Variants in TTLL11 observed in about 807,000 individuals in gnomAD.
TTLL11 encodes tubulin tyrosine ligase like 11.
Under a neutral mutation model 51.7 loss-of-function variants are expected in TTLL11, and 42 were observed. The observed-to-expected ratio is 0.81, with a 90% CI of 0.64 to 1.05. The LOEUF is 1.05. TTLL11 is among the 50% of genes least tolerant of loss of function. TTLL11 has a pLI of 0.00. For missense variants in TTLL11, 799 were observed against 940.4 expected, an observed-to-expected ratio of 0.85 and a Z score of 1.97; for synonymous variants, 381 against 383.5, an observed-to-expected ratio of 0.99 and a Z score of 0.08.
rs1839199475 is a variant in TTLL11, at chr9:121,890,782, T to G, written c.1482-20034A>C. 6.6e-6 allele frequency among the ~76,000 whole-genome samples: 1 copy of G among 152,036 alleles called. No homozygotes were observed. The highest frequency in any genetic ancestry group is 2.4e-5 in the African/African-American group (1 of 41,272). ...AATAAACACTGGCTAGGTGCATGAATGCATGAATGGGTGCATGAATGCATG... is the reference window on the plus strand; with the variant it reads ...AATAAACACTGGCTAGGTGCATGAAGGCATGAATGGGTGCATGAATGCATG... On this transcript the variant is annotated intron_variant, in intron 6 of 8. Transcript: ENST00000321582. This position sits in a 1 kb window ranked among gnomAD's most constrained non-coding sequence, Gnocchi z 4.3.
intron 4 of TTLL11, among the ~76,000 whole-genome samples, chr9:121,977,029 G>A (rs1397606449): frequency 6.6e-6 from 1 of 152,092 alleles, no homozygotes; most frequent in Non-Finnish European, 1.5e-5. Flanking sequence ...TTACTTTTTG[G>A]TATATTTTGT....
At position 121,905,458 on chromosome 9, in the gene TTLL11, T is replaced by C. The variant is rs868397478; in HGVS notation, c.1482-34710A>G. Reference sequence around the variant, plus strand: ...CCTCCATCTCCAGGGTTCAAGCTATTCTCATGCCTCAGCCTCCTGAGTAGC... The same window carrying C: ...CCTCCATCTCCAGGGTTCAAGCTATCCTCATGCCTCAGCCTCCTGAGTAGC... On this transcript the variant is annotated intron_variant, in intron 6 of 8. Transcript: ENST00000321582. Among the ~76,000 whole-genome samples the C allele has an allele frequency of 7.2e-5, 11 of 152,060 alleles. No individual in the cohort carries two copies. In the South Asian group the frequency reaches 1.2e-3, roughly 17 times the overall value.
At chr9:121,930,130 T>C (rs1840909668) in intron 6 of TTLL11, among the ~76,000 whole-genome samples, 1 of 152,190 alleles carries the variant, frequency 6.6e-6, no homozygotes, top group Non-Finnish European at 1.5e-5. Context: ...ACTTCCACCA[T>C]CTGAGGAAAC....
intron 6 of TTLL11, among the ~76,000 whole-genome samples, chr9:121,872,828 C>T (rs552762233): frequency 3.0e-4 from 45 of 152,292 alleles, no homozygotes; most frequent in African/African-American, 9.9e-4. Flanking sequence ...TGCTCCCTCC[C>T]ACAAAGAGGA....
At chr9:121,841,605 G>C (rs1029530295) in intron 8 of TTLL11, among the ~76,000 whole-genome samples, 1 of 152,112 alleles carries the variant, frequency 6.6e-6, no homozygotes, top group Non-Finnish European at 1.5e-5. Context: ...GGGGCCTCCC[G>C]GGCTGAGGAC....
chr9:121,956,575 G>A (rs548512141), intron 6 of TTLL11, among the ~76,000 whole-genome samples: 18 of 152,330 alleles, frequency 1.2e-4, no homozygotes, highest in African/African-American at 4.1e-4. Flanking sequence ...CACTGTGCAT[G>A]AGGATGGGGC....
chr9:122,027,353 CAA>C (rs1203248293), intron 3 of TTLL11, among the ~76,000 whole-genome samples: 1 of 152,090 alleles, frequency 6.6e-6, no homozygotes, highest in Non-Finnish European at 1.5e-5. Context: ...CAGTACTCTT[CAA>C]AAGAGTCAAG....
In TTLL11 at chr9:121,898,961, T is replaced by C. The variant is rs113506039; in HGVS notation, c.1482-28213A>G. ...TGGGTGCCCTTCTTCTTTGCCTGGCTCCTGATAACTCGGGAAATCTTGGCA... is the reference window on the plus strand; with the variant it reads ...TGGGTGCCCTTCTTCTTTGCCTGGCCCCTGATAACTCGGGAAATCTTGGCA... On this transcript the variant is annotated intron_variant, in intron 6 of 8. Coordinates refer to ENST00000321582, the MANE Select transcript of TTLL11 (RefSeq NM_001139442.2). 3.0e-3 allele frequency among the ~76,000 whole-genome samples: 462 copies of C among 152,296 alleles called. 3 individuals are homozygous for C. The highest frequency in any genetic ancestry group is 0.011 in the African/African-American group (444 of 41,554).
chr9:122,047,408 T>C (rs1196860319), intron 1 of TTLL11, among the ~76,000 whole-genome samples: 5 of 151,988 alleles, frequency 3.3e-5, no homozygotes, highest in African/African-American at 1.2e-4. Flanking sequence ...CAAAGCCTGA[T>C]GGAGGGTCAG....
chr9:121,997,825 G>GC (rs1357798564), intron 3 of TTLL11, among the ~76,000 whole-genome samples: 6 of 152,040 alleles, frequency 3.9e-5, no homozygotes, highest in African/African-American at 1.4e-4. Context: ...TCCAGTGCTC[G>GC]CCCATGGGTG....
chr9:121,925,442 G>A (rs907881973), intron 6 of TTLL11, among the ~76,000 whole-genome samples: 5 of 12,280 alleles, frequency 4.1e-4, no homozygotes, highest in Non-Finnish European at 6.2e-4. Context: ...ACCCCACCCC[G>A]GGACCATCCT....
At chr9:121,938,427 C>CA (rs1841313712) in intron 6 of TTLL11, among the ~76,000 whole-genome samples, 3 of 151,326 alleles carry the variant, frequency 2.0e-5, no homozygotes, top group Admixed American at 2.0e-4. Context: ...TCTTTGCAAA[C>CA]AAAAAATAAG....
intron 6 of TTLL11, among the ~76,000 whole-genome samples, chr9:121,952,695 C>A (rs2131605485): frequency 6.6e-6 from 1 of 152,246 alleles, no homozygotes; most frequent in African/African-American, 2.4e-5. Context: ...GAGACACTGG[C>A]AAACGTGCTC....
chr9:121,826,445 G>C (rs1836775809), intron 8 of TTLL11, among the ~76,000 whole-genome samples: 1 of 120,106 alleles, frequency 8.3e-6, no homozygotes, highest in Non-Finnish European at 1.8e-5. Context: ...ATATATATGG[G>C]TAAAACCATA....
chr9:121,978,473 ATTTATTT>A (rs929681250), intron 4 of TTLL11, among the ~76,000 whole-genome samples: 3 of 59,116 alleles, frequency 5.1e-5, no homozygotes, highest in Admixed American at 2.9e-4. Flanking sequence ...TTATTTATTT[ATTTATTT>A]ATTTATTTAT....
At chr9:121,928,127 C>T (rs556285638) in intron 6 of TTLL11, among the ~76,000 whole-genome samples, 3 of 152,046 alleles carry the variant, frequency 2.0e-5, no homozygotes, top group Non-Finnish European at 2.9e-5. Flanking sequence ...GAGGGGGCTA[C>T]GGGACGCATG....
At chr9:122,034,864 C>T (rs1438680463) in intron 2 of TTLL11, among the ~76,000 whole-genome samples, 1 of 152,202 alleles carries the variant, frequency 6.6e-6, no homozygotes, top group Non-Finnish European at 1.5e-5. Flanking sequence ...CAGCGCCTGA[C>T]CCCTCGTCAC....
chr9:121,825,290 C>T (rs918897261), intron 8 of TTLL11, among the ~76,000 whole-genome samples: 20 of 152,060 alleles, frequency 1.3e-4, no homozygotes. Context: ...ATCTAAGGCC[C>T]GAGGAACCCA....
In TTLL11 at chr9:121,974,911, G is replaced by A; in HGVS notation, c.1338C>T (p.Pro446=). Residue 446 remains proline (P), a synonymous_variant, in exon 5 of 9, where the codon CCC becomes CCT. Transcript: ENST00000321582. ...KPILLEVNAN[P]SMRIEHEHEL... ...CGTGCTCATGTTCGATTCTCATACTGGGATTTGCATTTACTTCAAGTAGTA... is the reference window on the plus strand; with the variant it reads ...CGTGCTCATGTTCGATTCTCATACTAGGATTTGCATTTACTTCAAGTAGTA... The A allele has an allele frequency of 5.2e-6, 8 of 1,544,210 alleles. No individual in the cohort carries two copies. The highest frequency in any genetic ancestry group is 7.0e-6 in the Non-Finnish European group (8 of 1,145,354).
Sources: gnomAD v4.1 joint callset for allele counts (sites outside exome capture counted in the v4.1 genomes callset) on GRCh38, gnomAD v4.1.1 for gene constraint, Gnocchi (gnomAD v3.1) non-coding constraint, MANE v1.5 for transcripts, NCBI Gene and HGNC (gene_info 2026-07-23, HGNC 2026-07-21) for gene names.